The following TASP1 variants were observed in gnomAD, a reference collection of about 807,000 sequenced individuals.
TASP1 encodes taspase 1, also known as threonine aspartase 1.
In TASP1, 16 loss-of-function variants were observed where a neutral mutation model predicts 56.6. The observed-to-expected ratio is 0.28, with a 90% CI of 0.19 to 0.43. The LOEUF (loss-of-function observed/expected upper bound fraction) is 0.43, where lower values mean the gene tolerates loss of function less well. Among genes scored for constraint, TASP1 ranks in the 20% least tolerant of loss-of-function variants. The pLI is 1.00. For missense variants in TASP1, 393 were observed against 511.6 expected (o/e 0.77, Z 2.24); for synonymous variants, 179 against 184.2 (o/e 0.97, Z 0.23).
the TASP1 span, among the ~76,000 whole-genome samples, chr20:13,281,747 G>A: frequency 6.6e-6 from 1 of 152,218 alleles, no homozygotes; most frequent in African/African-American, 2.4e-5. Flanking sequence ...CACTGAGTGA[G>A]AGAAGCACAG....
chr20:13,117,676 C>T, the TASP1 span: 3 of 1,613,734 alleles, frequency 1.9e-6, no homozygotes, highest in East Asian at 6.7e-5. Flanking sequence ...CTCATGGGCA[C>T]ATTCACCAAA....
At chr20:13,308,331 G>A in the TASP1 span, among the ~76,000 whole-genome samples, 1 of 152,080 alleles carries the variant, frequency 6.6e-6, no homozygotes, top group Admixed American at 6.5e-5. Flanking sequence ...GATTAATTAT[G>A]GCAGTAATAA....
chr20:13,521,572 A>G (rs1432658537), intron 10 of TASP1, among the ~76,000 whole-genome samples: 2 of 150,422 alleles, frequency 1.3e-5, no homozygotes. Context: ...CATAGGTGGG[A>G]ATTGAACAAT....
At chr20:13,298,012 A>T in the TASP1 span, among the ~76,000 whole-genome samples, 6 of 152,306 alleles carry the variant, frequency 3.9e-5, no homozygotes, top group South Asian at 4.1e-4. Context: ...ATGTGGCAAA[A>T]TCAAAACTGA....
the TASP1 span, among the ~76,000 whole-genome samples, chr20:13,350,160 G>T: frequency 3.9e-5 from 6 of 152,050 alleles, no homozygotes; most frequent in South Asian, 1.0e-3. Context: ...ACAAAAACAA[G>T]ATGTAATTAT....
the TASP1 span, among the ~76,000 whole-genome samples, chr20:13,233,953 A>G: frequency 3.3e-5 from 5 of 152,228 alleles, no homozygotes; most frequent in Non-Finnish European, 5.9e-5. Context: ...CTACTGAATC[A>G]GAATCTGCAT....
the TASP1 span, among the ~76,000 whole-genome samples, chr20:13,183,782 C>G: frequency 2.6e-5 from 4 of 152,108 alleles, no homozygotes; most frequent in Non-Finnish European, 5.9e-5. Flanking sequence ...GTAATCCCAG[C>G]ACTTTGGGAG....
chr20:13,525,432 C>G (rs540979580), intron 10 of TASP1, among the ~76,000 whole-genome samples: 1 of 152,142 alleles, frequency 6.6e-6, no homozygotes, highest in South Asian at 2.1e-4. Context: ...TAATCCACCC[C>G]CTCTCCCCAA....
chr20:13,217,918 T>C, the TASP1 span, among the ~76,000 whole-genome samples: 69 of 152,276 alleles, frequency 4.5e-4, no homozygotes, highest in African/African-American at 1.3e-3. Context: ...GTAACTCAAT[T>C]TGAGTTCCTT....
chr20:13,358,296 C>A, the TASP1 span, among the ~76,000 whole-genome samples: 1 of 152,216 alleles, frequency 6.6e-6, no homozygotes, highest in Non-Finnish European at 1.5e-5. Context: ...TCACACAAAG[C>A]CTGTTTGGTG....
At chr20:13,505,517 T>A (rs1247952017) in intron 10 of TASP1, among the ~76,000 whole-genome samples, 1 of 152,098 alleles carries the variant, frequency 6.6e-6, no homozygotes, top group Admixed American at 6.6e-5. Flanking sequence ...CAGGATGTGC[T>A]AGGCCACAAA....
the TASP1 span, among the ~76,000 whole-genome samples, chr20:13,351,269 A>G: frequency 6.6e-6 from 1 of 152,332 alleles, no homozygotes; most frequent in South Asian, 2.1e-4. Flanking sequence ...ACTACTTGGA[A>G]CTTTCTTAAT....
At chr20:13,533,694 A>C (rs2045310697) in intron 9 of TASP1, among the ~76,000 whole-genome samples, 1 of 152,166 alleles carries the variant, frequency 6.6e-6, no homozygotes, top group African/African-American at 2.4e-5. Context: ...CTTGTTCCTA[A>C]AGAGAGTGAC....
chr20:13,535,996 A>C (rs1232368070), intron 8 of TASP1, among the ~76,000 whole-genome samples: 1 of 152,234 alleles, frequency 6.6e-6, no homozygotes, highest in Non-Finnish European at 1.5e-5. Flanking sequence ...AATCTTAAAG[A>C]GAAATATACT....
At chr20:13,213,665 C>T in the TASP1 span, among the ~76,000 whole-genome samples, 1 of 152,132 alleles carries the variant, frequency 6.6e-6, no homozygotes, top group African/African-American at 2.4e-5. Context: ...AGCCAACACA[C>T]CAACATATTC....
intron 7 of TASP1, among the ~76,000 whole-genome samples, chr20:13,562,992 A>ACCTATGTGTGTG (rs2046399344): frequency 2.8e-5 from 4 of 143,084 alleles, no homozygotes; most frequent in Non-Finnish European, 6.1e-5. Flanking sequence ...GTATATACAC[A>ACCTATGTGTGTG]TATATACACA....
intron 11 of TASP1, among the ~76,000 whole-genome samples, chr20:13,445,001 G>A (rs2043352998): frequency 6.6e-6 from 1 of 152,156 alleles, no homozygotes; most frequent in Admixed American, 6.5e-5. Flanking sequence ...GAGGAGAGGA[G>A]AGTTGAATTG....
intron 13 of TASP1, among the ~76,000 whole-genome samples, chr20:13,392,001 C>CTTAAA (rs1482644074): frequency 6.6e-6 from 1 of 150,854 alleles, no homozygotes; most frequent in Non-Finnish European, 1.5e-5. Context: ...AAGAAGTGAG[C>CTTAAA]TTAAATTTCT....
chr20:13,173,264 A>T, the TASP1 span, among the ~76,000 whole-genome samples: 1 of 152,182 alleles, frequency 6.6e-6, no homozygotes, highest in African/African-American at 2.4e-5. Flanking sequence ...CTAGAGATGT[A>T]ACCCTCCTAT....
Sources: allele counts gnomAD v4.1 joint callset (sites outside exome capture counted in the v4.1 genomes callset), GRCh38; gene constraint gnomAD v4.1.1; transcripts MANE v1.5; gene names NCBI Gene and HGNC (gene_info 2026-07-23, HGNC 2026-07-21).